MSRA: variants seen among roughly 807,000 people sequenced by gnomAD.
MSRA encodes mitochondrial peptide methionine sulfoxide reductase.
Under a neutral mutation model 31.3 loss-of-function variants are expected in MSRA, and 54 were observed. The ratio of observed to expected loss-of-function variants is 1.73; its 90% confidence interval spans 1.39 to 2.17. The LOEUF is 2.17. MSRA is among the 30% of genes most tolerant of loss of function. The pLI, the probability that MSRA is intolerant of heterozygous loss-of-function variation, is 0.00. For synonymous variants in MSRA, 169 were observed against 116.5 expected (o/e 1.45, Z -2.90); for missense variants, 507 against 300.9 (o/e 1.69, Z -5.07).
chr8:10,317,173 T>C (rs1395919314), intron 4 of MSRA, among the ~76,000 whole-genome samples: 1 of 152,244 alleles, frequency 6.6e-6, no homozygotes, highest in Non-Finnish European at 1.5e-5. Flanking sequence ...TTTCAGACCC[T>C]GAGGCGTTGT....
At chr8:10,334,807 T>C (rs1053757626) in intron 5 of MSRA, among the ~76,000 whole-genome samples, 4 of 152,244 alleles carry the variant, frequency 2.6e-5, no homozygotes, top group African/African-American at 9.6e-5. Flanking sequence ...TACTTCAAAA[T>C]GTGCCTTACT....
At chr8:10,090,229 T>C (rs1489860106) in intron 1 of MSRA, among the ~76,000 whole-genome samples, 2 of 152,080 alleles carry the variant, frequency 1.3e-5, no homozygotes, top group African/African-American at 4.8e-5. Context: ...TGGGTGCCTC[T>C]GGGAGGGCCT....
At chr8:10,146,608 G>T (rs775386337) in intron 1 of MSRA, among the ~76,000 whole-genome samples, 6 of 152,182 alleles carry the variant, frequency 3.9e-5, no homozygotes, top group Non-Finnish European at 5.9e-5. Flanking sequence ...GAATGTGGCG[G>T]CGGTTGTACA....
At chr8:10,192,363 G>A (rs1056765553) in intron 1 of MSRA, among the ~76,000 whole-genome samples, 33 of 152,334 alleles carry the variant, frequency 2.2e-4, no homozygotes, top group African/African-American at 7.2e-4. Context: ...CCAGTGAGCG[G>A]TAGAGTGGAT....
At chr8:10,376,054 G>A (rs973996044) in intron 5 of MSRA, among the ~76,000 whole-genome samples, 1 of 152,106 alleles carries the variant, frequency 6.6e-6, no homozygotes, top group East Asian at 1.9e-4. Flanking sequence ...GGAAGATTGC[G>A]TCTTCGTGCA....
Position 10,428,290 on chromosome 8 carries a change from G to A in MSRA, c.686G>A (p.Cys229Tyr). ...GGCCTTGGGGGCACCGGCGTGTCCT[G>A]CCCAGTGGGTATTAAAAAATAATTT... Reference protein sequence around the residue: ...YCGLGGTGVSCPVGIKK With the variant: ...YCGLGGTGVSYPVGIKK Residue 229 changes from cysteine to tyrosine, a missense_variant, in exon 6 of 6, where the codon TGC (cysteine) becomes TAC (tyrosine). Transcript: ENST00000317173. 6.2e-7 allele frequency: 1 copy of A among 1,612,650 alleles called. No individual in the cohort carries two copies. The highest frequency in any genetic ancestry group is 1.1e-5 in the South Asian group (1 of 90,654).
At chr8:10,088,097 G>A (rs770295227) in intron 1 of MSRA, among the ~76,000 whole-genome samples, 1 of 152,132 alleles carries the variant, frequency 6.6e-6, no homozygotes, top group African/African-American at 2.4e-5. Flanking sequence ...AAAACCCCAG[G>A]TATAGAGGTA....
At chr8:10,292,070 C>T (rs1193884085) in intron 3 of MSRA, among the ~76,000 whole-genome samples, 1 of 152,154 alleles carries the variant, frequency 6.6e-6, no homozygotes, top group Non-Finnish European at 1.5e-5. Context: ...GTATTCTAGT[C>T]GCATTAGCTG....
At chr8:10,175,533 G>A (rs1905629) in intron 1 of MSRA, among the ~76,000 whole-genome samples, 5,486 of 152,244 alleles carry the variant, frequency 0.036, 129 homozygotes, top group African/African-American at 0.071. Flanking sequence ...TAATTATGCT[G>A]GGTGGAAAAT....
At chr8:10,064,152 A>G (rs981512556) in intron 1 of MSRA, among the ~76,000 whole-genome samples, 1 of 152,202 alleles carries the variant, frequency 6.6e-6, no homozygotes, top group South Asian at 2.1e-4. Context: ...AGCTGCTGGC[A>G]TGATCAGAGT....
chr8:10,146,708 T>C (rs1390175763), intron 1 of MSRA, among the ~76,000 whole-genome samples: 1 of 151,800 alleles, frequency 6.6e-6, no homozygotes, highest in Non-Finnish European at 1.5e-5. Flanking sequence ...GAAGGTGTTA[T>C]TTTAAAAAAA....
chr8:10,219,871 T>A (rs1026179497), intron 2 of MSRA, among the ~76,000 whole-genome samples: 1 of 151,772 alleles, frequency 6.6e-6, no homozygotes, highest in Non-Finnish European at 1.5e-5. Flanking sequence ...TTTTGGTTTT[T>A]TTTTGTTTGT....
chr8:10,096,990 A>G (rs966763274), intron 1 of MSRA, among the ~76,000 whole-genome samples: 18 of 152,230 alleles, frequency 1.2e-4, no homozygotes. Flanking sequence ...AGTATAAAAG[A>G]CTGCCCCTGG....
At chr8:10,249,485 T>C (rs548669729) in intron 3 of MSRA, among the ~76,000 whole-genome samples, 1 of 152,326 alleles carries the variant, frequency 6.6e-6, no homozygotes, top group East Asian at 1.9e-4. Flanking sequence ...TAAACCTGTT[T>C]TAAAAGTGTA....
intron 3 of MSRA, among the ~76,000 whole-genome samples, chr8:10,301,100 T>A (rs1800820215): frequency 6.6e-6 from 1 of 152,214 alleles, no homozygotes; most frequent in Non-Finnish European, 1.5e-5. Flanking sequence ...TTTCTCTCCC[T>A]GGCACCATCT....
intron 1 of MSRA, among the ~76,000 whole-genome samples, chr8:10,200,972 C>T (rs956481531): frequency 6.6e-6 from 1 of 152,108 alleles, no homozygotes; most frequent in South Asian, 2.1e-4. Context: ...ATGGGAGTGG[C>T]TAGTCTGAGG....
chr8:10,137,088 CTTG>C (rs1468039136), intron 1 of MSRA, among the ~76,000 whole-genome samples: 1 of 152,148 alleles, frequency 6.6e-6, no homozygotes. Flanking sequence ...TCCTCAGATC[CTTG>C]TTGTGTTCTG....
At chr8:10,147,816 C>T (rs1157451002) in intron 1 of MSRA, among the ~76,000 whole-genome samples, 2 of 152,220 alleles carry the variant, frequency 1.3e-5, no homozygotes, top group Non-Finnish European at 2.9e-5. Flanking sequence ...GACAGGTCAC[C>T]GTTTCTCTGG....
chr8:10,239,729 A>G (rs1260054440), intron 2 of MSRA, among the ~76,000 whole-genome samples: 1 of 152,342 alleles, frequency 6.6e-6, no homozygotes. Flanking sequence ...TACAGAGCCA[A>G]GAGTGTGGGA....
Sources: allele counts gnomAD v4.1 joint callset (sites outside exome capture counted in the v4.1 genomes callset), GRCh38; gene constraint gnomAD v4.1.1; transcripts MANE v1.5; gene names NCBI Gene and HGNC (gene_info 2026-07-23, HGNC 2026-07-21).